Variants in EAF2 observed in about 807,000 individuals in gnomAD.
EAF2 encodes ELL associated factor 2, also known as ELL-associated factor 2.
In EAF2, 29 loss-of-function variants were observed where a neutral mutation model predicts 29.4. The observed-to-expected ratio is 0.99, with a 90% CI of 0.73 to 1.35. The LOEUF is 1.35. Among genes scored for constraint, EAF2 ranks in the 40% most tolerant of loss-of-function variants. The pLI is 0.00. For missense variants in EAF2, 292 were observed against 312.0 expected, an observed-to-expected ratio of 0.94 and a Z score of 0.48; for synonymous variants, 103 against 102.5, an observed-to-expected ratio of 1.00 and a Z score of -0.03.
intron 2 of EAF2, among the ~76,000 whole-genome samples, chr3:121,852,867 T>C (rs899804638): frequency 7.2e-5 from 11 of 152,194 alleles, no homozygotes; most frequent in Non-Finnish European, 1.5e-4. Context: ...CAAATAATTG[T>C]TTAGAAATAC....
At chr3:121,854,308 T>G (rs1708681624) in intron 2 of EAF2, among the ~76,000 whole-genome samples, 1 of 112,388 alleles carries the variant, frequency 8.9e-6, no homozygotes, top group South Asian at 3.5e-4. Context: ...AGAGCAAGAC[T>G]CTGTCTCAAA....
intron 3 of EAF2, among the ~76,000 whole-genome samples, chr3:121,855,775 G>A (rs901020545): frequency 5.3e-5 from 8 of 152,144 alleles, no homozygotes; most frequent in African/African-American, 1.4e-4. Flanking sequence ...GTTGATATTG[G>A]GCTAGAGGTA....
chr3:121,860,899 T>A (rs1013931480), intron 4 of EAF2, among the ~76,000 whole-genome samples: 12 of 152,212 alleles, frequency 7.9e-5, no homozygotes, highest in South Asian at 2.1e-4. Flanking sequence ...TCAAAGGACA[T>A]CTTTATTTCT....
chr3:121,837,287 T>G (rs1708321754), intron 1 of EAF2: 1 of 152,192 alleles, frequency 6.6e-6, no homozygotes, highest in Admixed American at 6.5e-5. Flanking sequence ...TCCTCACTCT[T>G]AAGAACTCAG....
chr3:121,848,852 T>C (rs1301373843), intron 2 of EAF2, among the ~76,000 whole-genome samples: 1 of 147,062 alleles, frequency 6.8e-6, no homozygotes, highest in Admixed American at 6.7e-5. Context: ...CATATTAACT[T>C]TTAAAAAATA....
intron 1 of EAF2, among the ~76,000 whole-genome samples, chr3:121,839,319 A>G (rs1274508972): frequency 6.6e-6 from 1 of 152,176 alleles, no homozygotes; most frequent in Non-Finnish European, 1.5e-5. Flanking sequence ...GATTGGGTTT[A>G]TTCATCCTCC....
intron 4 of EAF2, among the ~76,000 whole-genome samples, chr3:121,861,820 T>A (rs1708838826): frequency 6.6e-6 from 1 of 152,190 alleles, no homozygotes; most frequent in Non-Finnish European, 1.5e-5. Context: ...GGCTGTTCCT[T>A]TCCATGTTTA....
chr3:121,881,109 C>G (rs1232519100), intron 5 of EAF2, among the ~76,000 whole-genome samples: 1 of 152,088 alleles, frequency 6.6e-6, no homozygotes, highest in African/African-American at 2.4e-5. Flanking sequence ...TTTTAATGTG[C>G]TGTTGGATTT....
chr3:121,840,065 G>A (rs1052358124), intron 1 of EAF2, among the ~76,000 whole-genome samples: 2 of 151,364 alleles, frequency 1.3e-5, no homozygotes, highest in African/African-American at 4.9e-5. Context: ...GGTGGCGGGA[G>A]CCCGTAATCC....
chr3:121,873,802 C>T (rs967905094), intron 5 of EAF2, among the ~76,000 whole-genome samples: 3 of 145,202 alleles, frequency 2.1e-5, no homozygotes, highest in Non-Finnish European at 4.6e-5. Flanking sequence ...CTTCTTTTCA[C>T]ATAATTTTTT....
chr3:121,884,297 G>A (rs530656078), intron 5 of EAF2, among the ~76,000 whole-genome samples: 6 of 138,816 alleles, frequency 4.3e-5, no homozygotes, highest in Non-Finnish European at 9.1e-5. Context: ...CTGAGATAGC[G>A]CCACTGTGCT....
At chr3:121,864,181 T>C (rs946389110) in intron 4 of EAF2, among the ~76,000 whole-genome samples, 1 of 152,200 alleles carries the variant, frequency 6.6e-6, no homozygotes, top group African/African-American at 2.4e-5. Flanking sequence ...ATCAATGTTG[T>C]AGTAATTGTG....
intron 1 of EAF2, among the ~76,000 whole-genome samples, chr3:121,838,123 A>C (rs1390416906): frequency 6.6e-6 from 1 of 152,224 alleles, no homozygotes; most frequent in African/African-American, 2.4e-5. Flanking sequence ...TACAGTTAAA[A>C]TAATCAGAAA....
chr3:121,862,135 G>A (rs903065334), intron 4 of EAF2, among the ~76,000 whole-genome samples: 1 of 152,128 alleles, frequency 6.6e-6, no homozygotes, highest in Non-Finnish European at 1.5e-5. Flanking sequence ...TGGTGAATCT[G>A]ACAATTATGT....
chr3:121,855,781 A>G (rs1009918469), intron 3 of EAF2, among the ~76,000 whole-genome samples: 2 of 152,188 alleles, frequency 1.3e-5, no homozygotes, highest in Non-Finnish European at 1.5e-5. Flanking sequence ...ATTGGGCTAG[A>G]GGTAAGGTTG....
intron 4 of EAF2, among the ~76,000 whole-genome samples, chr3:121,869,936 A>G (rs1051981473): frequency 6.6e-6 from 1 of 152,176 alleles, no homozygotes; most frequent in Non-Finnish European, 1.5e-5. Flanking sequence ...TAAATTTGAC[A>G]GTTTAGAGGA....
chr3:121,857,385 G>A (rs949882463), intron 4 of EAF2, among the ~76,000 whole-genome samples: 13 of 151,750 alleles, frequency 8.6e-5, no homozygotes, highest in Admixed American at 2.0e-4. Context: ...CCACCTACTC[G>A]GGAGGCTGAG....
chr3:121,840,145 G>C (rs1457495581), intron 1 of EAF2, among the ~76,000 whole-genome samples: 1 of 142,214 alleles, frequency 7.0e-6, no homozygotes, highest in Non-Finnish European at 1.5e-5. Context: ...AGCCGAGATC[G>C]CGCCGCTGCC....
At chr3:121,886,312 TAC>T (rs1446258255) in intron 5 of EAF2, 28 bp from the exon 6 acceptor site, 2 of 1,394,078 alleles carry the variant, frequency 1.4e-6, no homozygotes, top group African/African-American at 3.0e-5. Flanking sequence ...ATTTAATTAC[TAC>T]AGTTTTGTTA....
Sources: allele counts gnomAD v4.1 joint callset (sites outside exome capture counted in the v4.1 genomes callset), GRCh38; gene constraint gnomAD v4.1.1; transcripts MANE v1.5; gene names NCBI Gene and HGNC (gene_info 2026-07-23, HGNC 2026-07-21).